The following CLSTN2 variants were observed in gnomAD, a reference collection of about 807,000 sequenced individuals.
The protein encoded by CLSTN2 is calsyntenin 2, also known as calsyntenin-2.
In CLSTN2, 48 loss-of-function variants were observed where a neutral mutation model predicts 101.2. The ratio of observed to expected loss-of-function variants is 0.47; its 90% CI spans 0.38 to 0.60. The LOEUF is 0.60. CLSTN2 is among the 20% of genes least tolerant of loss of function. CLSTN2 has a pLI of 0.00. For synonymous variants in CLSTN2, 481 were observed against 463.6 expected (o/e 1.04, Z -0.48); for missense variants, 1,160 against 1,238.2 (o/e 0.94, Z 0.95).
intron 1 of CLSTN2, among the ~76,000 whole-genome samples, chr3:139,940,536 ATT>A (rs5852958): frequency 7.3e-5 from 11 of 151,222 alleles, no homozygotes; most frequent in Middle Eastern, 3.4e-3. Flanking sequence ...GATTTGGTGA[ATT>A]TTTTTTTTTC....
At chr3:140,253,265 C>T (rs2086578946) in intron 2 of CLSTN2, among the ~76,000 whole-genome samples, 1 of 152,050 alleles carries the variant, frequency 6.6e-6, no homozygotes, top group African/African-American at 2.4e-5. Context: ...AGGGGCTAGT[C>T]AAGGTCAGCG....
At chr3:140,326,024 T>C (rs961136053) in intron 2 of CLSTN2, among the ~76,000 whole-genome samples, 2 of 152,200 alleles carry the variant, frequency 1.3e-5, no homozygotes, top group African/African-American at 4.8e-5. Flanking sequence ...AACATATACT[T>C]TTCCTTTTCA....
chr3:139,970,241 G>C (rs1467003883), intron 1 of CLSTN2, among the ~76,000 whole-genome samples: 3 of 152,126 alleles, frequency 2.0e-5, no homozygotes, highest in African/African-American at 7.2e-5. Flanking sequence ...GAGTAAGTAG[G>C]TTAAAACTTA....
chr3:140,434,028 C>A (rs2088663443), intron 5 of CLSTN2, among the ~76,000 whole-genome samples: 1 of 152,174 alleles, frequency 6.6e-6, no homozygotes, highest in Non-Finnish European at 1.5e-5. Flanking sequence ...TCTGCATGAC[C>A]CAGTGGAGGG....
At chr3:140,407,436 A>G (rs1263314399) in intron 4 of CLSTN2, among the ~76,000 whole-genome samples, 1 of 152,124 alleles carries the variant, frequency 6.6e-6, no homozygotes, top group Admixed American at 6.5e-5. Context: ...TCTTCCTACC[A>G]GAGGCCCTCA....
chr3:140,484,476 C>CG (rs1934196051), intron 8 of CLSTN2, among the ~76,000 whole-genome samples: 2 of 151,934 alleles, frequency 1.3e-5, no homozygotes, highest in Non-Finnish European at 2.9e-5. Flanking sequence ...ATCTTTGTGG[C>CG]ATTCTCTGTA....
intron 1 of CLSTN2, among the ~76,000 whole-genome samples, chr3:140,080,137 A>T (rs925035748): frequency 6.6e-6 from 1 of 152,214 alleles, no homozygotes; most frequent in Non-Finnish European, 1.5e-5. Context: ...GTCTTTCTGC[A>T]GCCTCATGAT....
intron 2 of CLSTN2, among the ~76,000 whole-genome samples, chr3:140,198,839 G>A (rs894582124): frequency 1.3e-5 from 2 of 152,166 alleles, no homozygotes; most frequent in African/African-American, 2.4e-5. Flanking sequence ...GTTGTGGCCT[G>A]CAATTCCCTG....
intron 5 of CLSTN2, among the ~76,000 whole-genome samples, chr3:140,427,187 AT>A (rs2088576223): frequency 1.3e-4 from 8 of 63,764 alleles, no homozygotes; most frequent in African/African-American, 6.1e-4. Context: ...AAAAAAAAAT[AT>A]ATATATATAT....
chr3:140,251,568 G>C (rs992647394), intron 2 of CLSTN2, among the ~76,000 whole-genome samples: 1 of 101,678 alleles, frequency 9.8e-6, no homozygotes, highest in Non-Finnish European at 2.2e-5. Context: ...GTCAATAACG[G>C]CAACTCTTAG....
At chr3:140,027,908 CCACTGACTCGCTT>C (rs1227461797) in intron 1 of CLSTN2, among the ~76,000 whole-genome samples, 1 of 152,194 alleles carries the variant, frequency 6.6e-6, no homozygotes, top group African/African-American at 2.4e-5. Flanking sequence ...TACTGGTTTG[CCACTGACTCGCTT>C]GGTAACATTG....
chr3:140,241,452 G>A (rs577263296), intron 2 of CLSTN2, among the ~76,000 whole-genome samples: 3 of 152,198 alleles, frequency 2.0e-5, no homozygotes, highest in African/African-American at 4.8e-5. Flanking sequence ...TTTGAAGATC[G>A]TGGAGAATAA....
At chr3:140,107,125 C>T (rs1417631598) in intron 1 of CLSTN2, among the ~76,000 whole-genome samples, 1 of 152,166 alleles carries the variant, frequency 6.6e-6, no homozygotes, top group Non-Finnish European at 1.5e-5. Flanking sequence ...CTAGAGGGCT[C>T]CCAACATCAG....
intron 2 of CLSTN2, among the ~76,000 whole-genome samples, chr3:140,362,471 A>C (rs2107950812): frequency 6.6e-6 from 1 of 152,340 alleles, no homozygotes; most frequent in African/African-American, 2.4e-5. Context: ...GTTAATCAAA[A>C]TTTTAAACTT....
chr3:139,955,302 G>C (rs1187393214), intron 1 of CLSTN2, among the ~76,000 whole-genome samples: 2 of 151,728 alleles, frequency 1.3e-5, no homozygotes, highest in Non-Finnish European at 2.9e-5. Flanking sequence ...CTGTGACTCA[G>C]ATTTCTCATC....
intron 1 of CLSTN2, among the ~76,000 whole-genome samples, chr3:140,022,814 G>A (rs1379649235): frequency 6.6e-6 from 1 of 152,186 alleles, no homozygotes; most frequent in African/African-American, 2.4e-5. Flanking sequence ...GGTCCCATGG[G>A]AGCTAAGGCA....
intron 1 of CLSTN2, among the ~76,000 whole-genome samples, chr3:140,032,332 CTTTTTTTTTTT>C (rs982523156): frequency 8.3e-6 from 1 of 120,386 alleles, no homozygotes; most frequent in African/African-American, 3.1e-5. Context: ...CTAACAAGTA[CTTTTTTTTTTT>C]TTTTTTTTTG....
chr3:140,103,228 A>G (rs142232949), intron 1 of CLSTN2, among the ~76,000 whole-genome samples: 1 of 152,262 alleles, frequency 6.6e-6, no homozygotes, highest in East Asian at 1.9e-4. Flanking sequence ...TCTTGTTTTG[A>G]TGAGAGGCTG....
intron 1 of CLSTN2, among the ~76,000 whole-genome samples, chr3:140,095,958 C>A (rs2008862651): frequency 6.6e-6 from 1 of 152,096 alleles, no homozygotes; most frequent in Non-Finnish European, 1.5e-5. Context: ...AGTGATTGTG[C>A]AGTTTTGTCA....
Sources: allele counts gnomAD v4.1 joint callset (sites outside exome capture counted in the v4.1 genomes callset), GRCh38; gene constraint gnomAD v4.1.1; transcripts MANE v1.5; gene names NCBI Gene and HGNC (gene_info 2026-07-23, HGNC 2026-07-21).